The following GFRAL variants were observed in gnomAD, a reference collection of about 807,000 sequenced individuals.
GFRAL encodes the protein GDNF family receptor alpha-like.
GFRAL carries 36 observed loss-of-function variants against 45.4 expected under a neutral mutation model. The ratio of observed to expected loss-of-function variants is 0.79; its 90% CI spans 0.61 to 1.05. GFRAL has a LOEUF of 1.05. Among genes scored for constraint, GFRAL ranks in the 50% least tolerant of loss-of-function variants. The pLI is 0.00. For missense variants in GFRAL, 507 were observed against 467.5 expected, an observed-to-expected ratio of 1.08 and a Z score of -0.78; for synonymous variants, 166 against 154.1, an observed-to-expected ratio of 1.08 and a Z score of -0.57.
chr6:55,395,053 C>T lies in GFRAL; in HGVS notation c.953-4127C>T, dbSNP rs143420110. Among the ~76,000 whole-genome samples the T allele has an allele frequency of 3.2e-3, 478 of 151,590 alleles. 3 individuals carry two copies. The highest frequency in any genetic ancestry group is 9.7e-3 in the African/African-American group (401 of 41,352). ...TTTCATAACTCAGTAACATATAAAA[C>T]TTTCTGGATTGTCTCATCATTCGAA... On this transcript the variant is annotated intron_variant, in intron 6 of 8. Coordinates refer to ENST00000340465, the MANE Select transcript of GFRAL (RefSeq NM_207410.2).
At chr6:55,374,623 CTTTAG>C (rs1768499674) in intron 6 of GFRAL, among the ~76,000 whole-genome samples, 1 of 151,964 alleles carries the variant, frequency 6.6e-6, no homozygotes, top group Non-Finnish European at 1.5e-5. Context: ...TGCAAAAGGT[CTTTAG>C]TTTAGATCTC....
intron 3 of GFRAL, among the ~76,000 whole-genome samples, chr6:55,340,825 T>C (rs1192782216): frequency 6.6e-6 from 1 of 152,204 alleles, no homozygotes; most frequent in Non-Finnish European, 1.5e-5. Context: ...ACTCTCACCC[T>C]AATACTGCAC....
chr6:55,349,275 A>G (rs1247402124), intron 3 of GFRAL, among the ~76,000 whole-genome samples: 1 of 152,138 alleles, frequency 6.6e-6, no homozygotes, highest in African/African-American at 2.4e-5. Flanking sequence ...AACAGCTCAG[A>G]TTAGGACATA....
chr6:55,341,626 C>T (rs564077124), intron 3 of GFRAL, among the ~76,000 whole-genome samples: 9 of 152,254 alleles, frequency 5.9e-5, no homozygotes, highest in Non-Finnish European at 1.0e-4. Flanking sequence ...CTCTCCCCCT[C>T]CAAAGGAATG....
At chr6:55,360,995 T>C (rs2127357810) in intron 6 of GFRAL, among the ~76,000 whole-genome samples, 1 of 152,080 alleles carries the variant, frequency 6.6e-6, no homozygotes, top group Non-Finnish European at 1.5e-5. Context: ...ATAATAACAA[T>C]TGTGTTCAAT....
chr6:55,364,218 T>C (rs2127358706), intron 6 of GFRAL, among the ~76,000 whole-genome samples: 1 of 151,628 alleles, frequency 6.6e-6, no homozygotes, highest in Non-Finnish European at 1.5e-5. Context: ...ATGTGTTTTT[T>C]GGCTGCATAA....
chr6:55,349,804 T>C (rs1319748606), intron 3 of GFRAL, among the ~76,000 whole-genome samples: 3 of 151,840 alleles, frequency 2.0e-5, no homozygotes, highest in Non-Finnish European at 4.4e-5. Flanking sequence ...CAATGTTTGT[T>C]TACTCCGTGC....
chr6:55,364,043 C>T (rs1419037217), intron 6 of GFRAL, among the ~76,000 whole-genome samples: 1 of 143,040 alleles, frequency 7.0e-6, no homozygotes, highest in African/African-American at 2.8e-5. Context: ...AACTAGTTTA[C>T]TGTCCCACCA....
chr6:55,397,237 G>A (rs933546654), intron 6 of GFRAL, among the ~76,000 whole-genome samples: 2 of 139,306 alleles, frequency 1.4e-5, no homozygotes, highest in African/African-American at 2.8e-5. Context: ...AAAAAATGCC[G>A]GCCGGGCGCG....
At chr6:55,357,366 T>A (rs1768208549) in intron 5 of GFRAL, among the ~76,000 whole-genome samples, 1 of 151,898 alleles carries the variant, frequency 6.6e-6, no homozygotes, top group Admixed American at 6.6e-5. Context: ...CATATATATT[T>A]ACAATTGTTA....
At chr6:55,396,622 T>C (rs146538006) in intron 6 of GFRAL, among the ~76,000 whole-genome samples, 2 of 152,222 alleles carry the variant, frequency 1.3e-5, no homozygotes, top group African/African-American at 4.8e-5. Flanking sequence ...CTGAATTGAT[T>C]TAAATACACA....
chr6:55,351,897 T>A (rs921471824), intron 5 of GFRAL, among the ~76,000 whole-genome samples: 1 of 150,316 alleles, frequency 6.7e-6, no homozygotes, highest in African/African-American at 2.5e-5. Context: ...ACATATCAGC[T>A]TTTTAATTTT....
intron 1 of GFRAL, among the ~76,000 whole-genome samples, chr6:55,328,671 G>C (rs1767795120): frequency 6.6e-6 from 1 of 151,630 alleles, no homozygotes; most frequent in Non-Finnish European, 1.5e-5. Context: ...TATAGATCAG[G>C]CAGCAATATA....
At chr6:55,375,561 A>C (rs1234543509) in intron 6 of GFRAL, among the ~76,000 whole-genome samples, 1 of 151,978 alleles carries the variant, frequency 6.6e-6, no homozygotes, top group Non-Finnish European at 1.5e-5. Flanking sequence ...GGATCGTATC[A>C]TCTGCCAACA....
intron 1 of GFRAL, among the ~76,000 whole-genome samples, chr6:55,328,296 A>C (rs1767791127): frequency 6.6e-6 from 1 of 151,960 alleles, no homozygotes; most frequent in Non-Finnish European, 1.5e-5. Flanking sequence ...TAGAATCTAT[A>C]AACTGAATTC....
chr6:55,371,032 C>T (rs181335879), intron 6 of GFRAL, among the ~76,000 whole-genome samples: 1 of 152,184 alleles, frequency 6.6e-6, no homozygotes, highest in African/African-American at 2.4e-5. Flanking sequence ...TGCTGCCAGA[C>T]ATTTGTCTAT....
At chr6:55,341,730 A>G (rs938959137) in intron 3 of GFRAL, among the ~76,000 whole-genome samples, 2 of 152,152 alleles carry the variant, frequency 1.3e-5, no homozygotes, top group African/African-American at 4.8e-5. Flanking sequence ...TCTCTGAGCT[A>G]AAGGAGGATG....
At position 55,396,542 on chromosome 6, in the gene GFRAL, C is replaced by G. The variant is rs1581762509; in HGVS notation, c.953-2638C>G. 2.0e-5 allele frequency among the ~76,000 whole-genome samples: 3 copies of G among 151,654 alleles called. No homozygotes were observed. The East Asian group carries it at 5.8e-4, about 29-fold the overall frequency. On this transcript the variant is annotated intron_variant, in intron 6 of 8. Transcript: ENST00000340465. ...TATTGTATATACTTAGGCCATGAATCCAGCTACAGCTTTTTTTTAAAAAAG... is the reference window on the plus strand; with the variant it reads ...TATTGTATATACTTAGGCCATGAATGCAGCTACAGCTTTTTTTTAAAAAAG...
intron 4 of GFRAL, among the ~76,000 whole-genome samples, chr6:55,350,907 G>A (rs2127355147): frequency 6.6e-6 from 1 of 152,190 alleles, no homozygotes; most frequent in South Asian, 2.1e-4. Context: ...GAGCCAATGA[G>A]CTAACCATAA....
Sources: allele counts gnomAD v4.1 joint callset (sites outside exome capture counted in the v4.1 genomes callset), GRCh38; gene constraint gnomAD v4.1.1; transcripts MANE v1.5; gene names NCBI Gene and HGNC (gene_info 2026-07-23, HGNC 2026-07-21).